Variants in STK33 observed in about 807,000 individuals in gnomAD.
STK33 encodes the protein serine/threonine-protein kinase 33.
A neutral mutation model predicts 58.0 loss-of-function variants in STK33; 52 were observed. The ratio of observed to expected loss-of-function variants is 0.90; its 90% CI spans 0.72 to 1.13. The LOEUF is 1.13. Among genes scored for constraint, STK33 ranks in the 50% most tolerant of loss-of-function variants. STK33 has a pLI of 0.00. For synonymous variants in STK33, 215 were observed against 200.1 expected (o/e 1.07, Z -0.63); for missense variants, 630 against 604.2 (o/e 1.04, Z -0.45).
intron 2 of STK33, 92 bp from the exon 3 acceptor site, chr11:8,477,375 T>C (rs1949380721): frequency 6.6e-6 from 1 of 151,976 alleles, no homozygotes; most frequent in South Asian, 2.1e-4. Flanking sequence ...AATGATAGGC[T>C]TTCTGTTTGG....
intron 6 of STK33, among the ~76,000 whole-genome samples, chr11:8,470,747 G>A (rs1220337744): frequency 6.6e-6 from 1 of 152,160 alleles, no homozygotes; most frequent in Non-Finnish European, 1.5e-5. Context: ...AGGAGAGGGA[G>A]AGAGATGGAA....
chr11:8,337,123 G>A, the STK33 span, among the ~76,000 whole-genome samples: 1 of 152,218 alleles, frequency 6.6e-6, no homozygotes, highest in Non-Finnish European at 1.5e-5. Context: ...TGTCTTCTAA[G>A]AAGGCGGCCA....
intron 6 of STK33, among the ~76,000 whole-genome samples, chr11:8,468,932 A>C (rs1948499441): frequency 6.6e-6 from 1 of 152,244 alleles, no homozygotes; most frequent in South Asian, 2.1e-4. Flanking sequence ...ATGTCTAAAA[A>C]TGTACACAAA....
At chr11:8,390,537 T>C (rs777430043), downstream of STK33, among the ~76,000 whole-genome samples, 7 of 152,358 alleles carry the variant, frequency 4.6e-5, no homozygotes, top group Middle Eastern at 3.4e-3. Context: ...AAGTGTGTTC[T>C]ACACAACGAA....
intron 7 of STK33, among the ~76,000 whole-genome samples, chr11:8,462,350 T>G (rs1656344723): frequency 6.6e-6 from 1 of 150,990 alleles, no homozygotes; most frequent in Non-Finnish European, 1.5e-5. Context: ...AAACAAAAAG[T>G]TTTTCTTTGT....
chr11:8,502,588 A>G (rs1951599116), intron 1 of STK33, among the ~76,000 whole-genome samples: 2 of 152,214 alleles, frequency 1.3e-5, no homozygotes. Context: ...TTTCATGATA[A>G]AGATGCCAAA....
intron 1 of STK33, among the ~76,000 whole-genome samples, chr11:8,522,001 A>T (rs530225342): frequency 6.6e-6 from 1 of 151,772 alleles, no homozygotes; most frequent in African/African-American, 2.4e-5. Flanking sequence ...GGATGTGGAG[A>T]AAAAAAACAC....
chr11:8,426,475 G>C (rs527348110), intron 14 of STK33, among the ~76,000 whole-genome samples: 1 of 152,262 alleles, frequency 6.6e-6, no homozygotes, highest in Non-Finnish European at 1.5e-5. Context: ...TCCTCACCTA[G>C]GTCTGTGGGC....
chr11:8,437,365 A>G, intron 12 of STK33, among the ~76,000 whole-genome samples: 1 of 152,178 alleles, frequency 6.6e-6, no homozygotes, highest in East Asian at 1.9e-4. Context: ...ACACAATATC[A>G]ACAAATGTCA....
chr11:8,514,415 T>TA (rs1952596280), intron 1 of STK33, among the ~76,000 whole-genome samples: 1 of 152,180 alleles, frequency 6.6e-6, no homozygotes, highest in African/African-American at 2.4e-5. Flanking sequence ...ATCTGAGCTG[T>TA]AAAAAATTAA....
At chr11:8,571,195 G>A (rs1957784042) in intron 1 of STK33, among the ~76,000 whole-genome samples, 1 of 152,160 alleles carries the variant, frequency 6.6e-6, no homozygotes, top group African/African-American at 2.4e-5. Flanking sequence ...TCCGAAATCT[G>A]CAGGAGCATG....
At chr11:8,369,321 GTGTGTGTGTGTA>G in the STK33 span, among the ~76,000 whole-genome samples, 1 of 150,782 alleles carries the variant, frequency 6.6e-6, no homozygotes, top group Non-Finnish European at 1.5e-5. Context: ...GTGTGTGTGT[GTGTGTGTGTGTA>G]TAATCAGAAA....
chr11:8,357,920 T>G, the STK33 span, among the ~76,000 whole-genome samples: 1 of 152,110 alleles, frequency 6.6e-6, no homozygotes, highest in East Asian at 1.9e-4. Context: ...AGCCAGAAAA[T>G]TGCAGGTACT....
At chr11:8,372,297 C>T in the STK33 span, among the ~76,000 whole-genome samples, 1 of 151,980 alleles carries the variant, frequency 6.6e-6, no homozygotes, top group Non-Finnish European at 1.5e-5. Context: ...TAAGGCCTTA[C>T]AAGGTCTCAC....
At chr11:8,437,207 T>G (rs1245390099) in intron 12 of STK33, among the ~76,000 whole-genome samples, 2 of 152,220 alleles carry the variant, frequency 1.3e-5, no homozygotes, top group Non-Finnish European at 2.9e-5. Context: ...AAAGTGAACA[T>G]GGACTTGTTT....
intron 11 of STK33, among the ~76,000 whole-genome samples, chr11:8,448,572 C>T (rs1464273850): frequency 6.6e-6 from 1 of 152,130 alleles, no homozygotes; most frequent in Non-Finnish European, 1.5e-5. Flanking sequence ...GGAAAACTGG[C>T]TAGCCATATG....
chr11:8,433,490 T>C (rs1219896159), intron 14 of STK33, among the ~76,000 whole-genome samples: 1 of 152,226 alleles, frequency 6.6e-6, no homozygotes, highest in Admixed American at 6.5e-5. Flanking sequence ...ATTCTCAAAT[T>C]TATATCTTCA....
intron 15 of STK33, among the ~76,000 whole-genome samples, chr11:8,408,243 G>A (rs1162155485): frequency 1.3e-5 from 2 of 152,142 alleles, no homozygotes; most frequent in Non-Finnish European, 2.9e-5. Context: ...TGAAATTGAA[G>A]CAATACTTGT....
chr11:8,523,151 C>A, intron 1 of STK33, among the ~76,000 whole-genome samples: 1 of 152,346 alleles, frequency 6.6e-6, no homozygotes, highest in East Asian at 1.9e-4. Flanking sequence ...ACAACCTCCA[C>A]CTCCCAGCTG....
Sources: gnomAD v4.1 joint callset for allele counts (sites outside exome capture counted in the v4.1 genomes callset) on GRCh38, gnomAD v4.1.1 for gene constraint, MANE v1.5 for transcripts, NCBI Gene and HGNC (gene_info 2026-07-23, HGNC 2026-07-21) for gene names.